Variants in DIP2C observed in about 807,000 individuals in gnomAD.
DIP2C encodes disco-interacting protein 2 homolog C.
DIP2C carries 33 observed loss-of-function variants against 192.4 expected under a neutral mutation model. That is an observed-to-expected ratio of 0.17 (90% CI 0.13 to 0.23). The LOEUF (loss-of-function observed/expected upper bound fraction) is 0.23. Ranked by LOEUF, DIP2C falls within the 10% of genes least tolerant of loss-of-function variation. The pLI, the probability that DIP2C is intolerant of heterozygous loss-of-function variation, is 1.00. For missense variants in DIP2C, 1,537 were observed against 2,110.1 expected, an observed-to-expected ratio of 0.73 and a Z score of 5.32; for synonymous variants, 979 against 864.1, an observed-to-expected ratio of 1.13 and a Z score of -2.33.
intron 1 of DIP2C, among the ~76,000 whole-genome samples, chr10:489,208 G>A (rs1315707159): frequency 1.3e-5 from 2 of 152,148 alleles, no homozygotes; most frequent in African/African-American, 4.8e-5. Flanking sequence ...TTTTAACTCT[G>A]GACTGCCTCA....
intron 9 of DIP2C, among the ~76,000 whole-genome samples, chr10:399,761 T>C (rs1471969569): frequency 6.6e-6 from 1 of 152,214 alleles, no homozygotes; most frequent in Non-Finnish European, 1.5e-5. Context: ...CTCAGTGGGC[T>C]GCTTCACACA....
intron 1 of DIP2C, among the ~76,000 whole-genome samples, chr10:604,766 T>G (rs1852347423): frequency 6.6e-6 from 1 of 152,172 alleles, no homozygotes; most frequent in South Asian, 2.1e-4. Flanking sequence ...AGACAAATGT[T>G]TAATTTAGGG....
chr10:676,269 A>G (rs1830873042), intron 1 of DIP2C, among the ~76,000 whole-genome samples: 1 of 152,232 alleles, frequency 6.6e-6, no homozygotes, highest in South Asian at 2.1e-4. Flanking sequence ...ACCTCAACAC[A>G]ATAAAGGCCA....
At chr10:553,975 T>G (rs985295487) in intron 1 of DIP2C, among the ~76,000 whole-genome samples, 2 of 150,876 alleles carry the variant, frequency 1.3e-5, no homozygotes, top group Non-Finnish European at 3.0e-5. Context: ...TATACGCTTG[T>G]AACTGTAAGA....
At chr10:596,913 G>A (rs938819949) in intron 1 of DIP2C, among the ~76,000 whole-genome samples, 10 of 152,242 alleles carry the variant, frequency 6.6e-5, no homozygotes, top group African/African-American at 2.2e-4. Flanking sequence ...GCATAGTGAC[G>A]CGAACATGCA....
chr10:507,670 C>T (rs969661938), intron 1 of DIP2C, among the ~76,000 whole-genome samples: 39 of 152,208 alleles, frequency 2.6e-4, no homozygotes, highest in African/African-American at 8.4e-4. Context: ...AAAGCTCGTC[C>T]GTCTTTGAAA....
intron 1 of DIP2C, among the ~76,000 whole-genome samples, chr10:523,173 G>T (rs573355873): frequency 6.7e-6 from 1 of 149,972 alleles, no homozygotes; most frequent in Admixed American, 6.6e-5. Flanking sequence ...GAGTGAAGAT[G>T]CAGGGACTCT....
At chr10:290,406 AC>A (rs1214442004) in intron 32 of DIP2C, among the ~76,000 whole-genome samples, 3 of 152,232 alleles carry the variant, frequency 2.0e-5, no homozygotes, top group Non-Finnish European at 4.4e-5. Context: ...CCATGAGAAT[AC>A]CTAGAATTTG....
At chr10:614,583 A>G (rs915146983) in intron 1 of DIP2C, among the ~76,000 whole-genome samples, 1 of 152,186 alleles carries the variant, frequency 6.6e-6, no homozygotes, top group Admixed American at 6.5e-5. Flanking sequence ...AAACGTCCCA[A>G]TCTGCTCGGC....
intron 1 of DIP2C, among the ~76,000 whole-genome samples, chr10:521,248 G>T (rs1015632954): frequency 1.3e-5 from 2 of 152,118 alleles, no homozygotes; most frequent in Admixed American, 1.3e-4. Context: ...ATCCCACCAA[G>T]CAGCAAACAA....
At chr10:444,636 C>T (rs558933231) in intron 3 of DIP2C, among the ~76,000 whole-genome samples, 1 of 152,184 alleles carries the variant, frequency 6.6e-6, no homozygotes, top group Non-Finnish European at 1.5e-5. Context: ...TTCCTTGGCG[C>T]TATTCCGTCA....
intron 1 of DIP2C, among the ~76,000 whole-genome samples, chr10:647,360 C>T (rs1387722811): frequency 4.0e-3 from 208 of 51,414 alleles, no homozygotes; most frequent in Middle Eastern, 0.033. Flanking sequence ...CATTGGACGG[C>T]GGGAGAGAAC....
chr10:476,194 A>G (rs747137229), intron 2 of DIP2C, among the ~76,000 whole-genome samples: 8 of 152,142 alleles, frequency 5.3e-5, no homozygotes, highest in Non-Finnish European at 1.0e-4. Context: ...GAGAACAAAG[A>G]GCAAGGTCTC....
At chr10:594,356 T>TA (rs1468595859) in intron 1 of DIP2C, among the ~76,000 whole-genome samples, 2 of 151,614 alleles carry the variant, frequency 1.3e-5, no homozygotes, top group African/African-American at 4.9e-5. Flanking sequence ...CACGGCCGAG[T>TA]ACAAACCATT....
chr10:414,626 C>T (rs1213026785), intron 7 of DIP2C, among the ~76,000 whole-genome samples: 5 of 150,446 alleles, frequency 3.3e-5, no homozygotes, highest in Admixed American at 2.6e-4. Context: ...CCTCCCACTT[C>T]AGCCTCTGCT....
rs193116969 is a variant in DIP2C, at chr10:350,614, G to A, written c.2986-1160C>T. The stretch of plus-strand genomic sequence containing the variant: ...AAGACTGCAGAGCCGAAGAGTGACT[G>A]AACACCCGGGCTCAGGAATTTTTTT... On this transcript the variant is annotated intron_variant, in intron 24 of 36. Transcript: ENST00000280886. Among the ~76,000 whole-genome samples the A allele has an allele frequency of 4.9e-3, 727 of 148,342 alleles. 6 individuals carry two copies. The highest frequency in any genetic ancestry group is 0.017 in the African/African-American group (688 of 40,160).
At chr10:571,157 A>G (rs1346776341) in intron 1 of DIP2C, among the ~76,000 whole-genome samples, 1 of 152,254 alleles carries the variant, frequency 6.6e-6, no homozygotes, top group Non-Finnish European at 1.5e-5. Context: ...CAGGCCGCTC[A>G]GCTAAACCGG....
chr10:348,161 ACT>A (rs947989701), intron 26 of DIP2C, among the ~76,000 whole-genome samples: 2 of 152,224 alleles, frequency 1.3e-5, no homozygotes, highest in African/African-American at 4.8e-5. Flanking sequence ...CTCTGCCCAC[ACT>A]GTTCTCCCCT....
At chr10:531,564 C>CGG (rs1847373407) in intron 1 of DIP2C, among the ~76,000 whole-genome samples, 1 of 152,206 alleles carries the variant, frequency 6.6e-6, no homozygotes, top group Admixed American at 6.5e-5. Context: ...CCCAGTCTGA[C>CGG]GGAAGCGTCT....
Sources: allele counts gnomAD v4.1 joint callset (sites outside exome capture counted in the v4.1 genomes callset), GRCh38; gene constraint gnomAD v4.1.1; transcripts MANE v1.5; gene names NCBI Gene and HGNC (gene_info 2026-07-23, HGNC 2026-07-21).